MAGI2: variants seen among roughly 807,000 people sequenced by gnomAD.
The protein encoded by MAGI2 is membrane associated guanylate kinase, WW and PDZ domain containing 2.
Under a neutral mutation model 133.3 loss-of-function variants are expected in MAGI2, and 35 were observed. The observed-to-expected ratio is 0.26, with a 90% CI of 0.20 to 0.35. The LOEUF (loss-of-function observed/expected upper bound fraction) is 0.35, where lower values mean the gene tolerates loss of function less well. Among genes scored for constraint, MAGI2 ranks in the 10% least tolerant of loss-of-function variants. MAGI2 has a pLI of 1.00. For missense variants in MAGI2, 1,636 were observed against 1,863.4 expected (o/e 0.88, Z 2.25); for synonymous variants, 729 against 710.6 (o/e 1.03, Z -0.41).
chr7:78,434,319 T>A (rs942814923), intron 6 of MAGI2, among the ~76,000 whole-genome samples: 3 of 152,146 alleles, frequency 2.0e-5, no homozygotes, highest in African/African-American at 7.2e-5. Flanking sequence ...AATAGAACCA[T>A]ATACTCAAAT....
intron 21 of MAGI2, among the ~76,000 whole-genome samples, chr7:78,068,377 G>T (rs1222688072): frequency 6.6e-6 from 1 of 152,130 alleles, no homozygotes; most frequent in African/African-American, 2.4e-5. Context: ...GCAGCCCAGG[G>T]GTTGGGGACC....
chr7:78,277,781 G>T (rs147918235), intron 9 of MAGI2, among the ~76,000 whole-genome samples: 1 of 152,148 alleles, frequency 6.6e-6, no homozygotes, highest in Admixed American at 6.6e-5. Flanking sequence ...TGAGAGTAGA[G>T]ACAATAGTAT....
intron 21 of MAGI2, among the ~76,000 whole-genome samples, chr7:78,043,119 G>A (rs1459238978): frequency 2.6e-5 from 4 of 152,180 alleles, no homozygotes; most frequent in African/African-American, 2.4e-5. Flanking sequence ...TACTTCCCTT[G>A]CCTTCTTCAC....
chr7:78,919,259 A>C (rs1799042845), intron 2 of MAGI2, among the ~76,000 whole-genome samples: 1 of 152,110 alleles, frequency 6.6e-6, no homozygotes, highest in African/African-American at 2.4e-5. Context: ...TCTATAAAGC[A>C]GTAGCAAGTC....
chr7:78,232,063 A>T (rs538343460), intron 10 of MAGI2, among the ~76,000 whole-genome samples: 2 of 152,196 alleles, frequency 1.3e-5, no homozygotes, highest in African/African-American at 4.8e-5. Context: ...AGAAAAAAAA[A>T]ACCACACAGG....
At chr7:78,148,326 A>G (rs1251216714) in intron 16 of MAGI2, among the ~76,000 whole-genome samples, 1 of 152,192 alleles carries the variant, frequency 6.6e-6, no homozygotes, top group Non-Finnish European at 1.5e-5. Context: ...TTTATATAGG[A>G]GAGGCAAAAC....
intron 5 of MAGI2, among the ~76,000 whole-genome samples, chr7:78,497,133 A>C (rs1405073870): frequency 6.6e-6 from 1 of 151,084 alleles, no homozygotes; most frequent in Non-Finnish European, 1.5e-5. Context: ...ATTTACAATT[A>C]ATATACTGCC....
At chr7:79,074,327 C>T (rs527439092) in intron 1 of MAGI2, among the ~76,000 whole-genome samples, 1 of 152,228 alleles carries the variant, frequency 6.6e-6, no homozygotes, top group Non-Finnish European at 1.5e-5. Flanking sequence ...CTATTTTATT[C>T]TTCTTCATAA....
At chr7:78,537,055 A>G (rs752010320) in intron 3 of MAGI2, among the ~76,000 whole-genome samples, 10 of 151,958 alleles carry the variant, frequency 6.6e-5, no homozygotes, top group Non-Finnish European at 1.3e-4. Context: ...GAGAACATAC[A>G]ATGTTTAGTT....
At chr7:79,041,514 T>C (rs1811669346) in intron 1 of MAGI2, among the ~76,000 whole-genome samples, 1 of 152,146 alleles carries the variant, frequency 6.6e-6, no homozygotes, top group Non-Finnish European at 1.5e-5. Flanking sequence ...GCTTGAGTAA[T>C]AGTAAAGTTC....
intron 3 of MAGI2, among the ~76,000 whole-genome samples, chr7:78,621,751 A>G (rs1361482539): frequency 6.6e-6 from 1 of 152,052 alleles, no homozygotes; most frequent in Non-Finnish European, 1.5e-5. Flanking sequence ...ACTTTAAGTT[A>G]ATTTCTTAAA....
chr7:79,445,158 A>G (rs942469024), intron 1 of MAGI2, among the ~76,000 whole-genome samples: 1 of 152,230 alleles, frequency 6.6e-6, no homozygotes, highest in Non-Finnish European at 1.5e-5. Context: ...TTATATAAAA[A>G]TTAATTCAAG....
chr7:79,184,693 A>G (rs993995813), intron 1 of MAGI2, among the ~76,000 whole-genome samples: 3 of 151,808 alleles, frequency 2.0e-5, no homozygotes, highest in African/African-American at 7.3e-5. Context: ...AGTTATAAAA[A>G]CAGTAGGTTA....
intron 21 of MAGI2, among the ~76,000 whole-genome samples, chr7:78,046,392 ACT>A (rs1189707863): frequency 3.4e-5 from 5 of 145,144 alleles, no homozygotes; most frequent in Non-Finnish European, 7.5e-5. Flanking sequence ...ACAGAGCGAG[ACT>A]CTGTCTCAAA....
At chr7:79,250,135 CAT>C (rs1160884483) in intron 1 of MAGI2, among the ~76,000 whole-genome samples, 7 of 152,006 alleles carry the variant, frequency 4.6e-5, no homozygotes, top group Non-Finnish European at 8.8e-5. Context: ...ATAGAAAAAA[CAT>C]ATGTCAACAT....
intron 1 of MAGI2, among the ~76,000 whole-genome samples, chr7:79,145,464 C>G (rs1822529624): frequency 6.6e-6 from 1 of 151,996 alleles, no homozygotes; most frequent in African/African-American, 2.4e-5. Context: ...AAGAAACCAC[C>G]TACAACTAAA....
At chr7:78,564,951 G>A (rs944143926) in intron 3 of MAGI2, among the ~76,000 whole-genome samples, 18 of 151,438 alleles carry the variant, frequency 1.2e-4, no homozygotes, top group Middle Eastern at 3.4e-3. Context: ...CCGCCACCAC[G>A]CCCAGCTAAT....
intron 10 of MAGI2, among the ~76,000 whole-genome samples, chr7:78,231,942 T>C (rs548856139): frequency 1.3e-4 from 19 of 151,832 alleles, no homozygotes; most frequent in East Asian, 3.9e-4. Context: ...GGGTTTTTTT[T>C]CCCATAATAC....
intron 2 of MAGI2, among the ~76,000 whole-genome samples, chr7:78,967,849 G>C (rs1803464015): frequency 6.6e-6 from 1 of 151,876 alleles, no homozygotes; most frequent in Non-Finnish European, 1.5e-5. Flanking sequence ...TGTTTGTTTT[G>C]AGATGGAGTC....
Sources: gnomAD v4.1 joint callset for allele counts (sites outside exome capture counted in the v4.1 genomes callset) on GRCh38, gnomAD v4.1.1 for gene constraint, MANE v1.5 for transcripts, NCBI Gene and HGNC (gene_info 2026-07-23, HGNC 2026-07-21) for gene names.